The following PTPRD variants were observed in gnomAD, a reference collection of about 807,000 sequenced individuals.
PTPRD encodes receptor-type tyrosine-protein phosphatase delta.
Under a neutral mutation model 214.5 loss-of-function variants are expected in PTPRD, and 34 were observed. The ratio of observed to expected loss-of-function variants is 0.16; its 90% CI spans 0.12 to 0.21. The LOEUF (loss-of-function observed/expected upper bound fraction) is 0.21. Among genes scored for constraint, PTPRD ranks in the 10% least tolerant of loss-of-function variants. PTPRD has a pLI of 1.00. For synonymous variants in PTPRD, 1,128 were observed against 845.7 expected, an observed-to-expected ratio of 1.33 and a Z score of -5.79; for missense variants, 2,545 against 2,398.7, an observed-to-expected ratio of 1.06 and a Z score of -1.27.
At chr9:8,730,095 A>G (rs985969365) in intron 12 of PTPRD, among the ~76,000 whole-genome samples, 1 of 152,126 alleles carries the variant, frequency 6.6e-6, no homozygotes, top group African/African-American at 2.4e-5. Flanking sequence ...TCTCTACTAA[A>G]TATACAGAAA....
intron 11 of PTPRD, among the ~76,000 whole-genome samples, chr9:8,993,949 A>T (rs1437689029): frequency 6.6e-6 from 1 of 152,142 alleles, no homozygotes; most frequent in Non-Finnish European, 1.5e-5. Context: ...AGTGTTCAAG[A>T]CATTTAGAGG....
At chr9:9,459,567 G>C (rs1468047241) in intron 8 of PTPRD, among the ~76,000 whole-genome samples, 1 of 151,936 alleles carries the variant, frequency 6.6e-6, no homozygotes, top group Non-Finnish European at 1.5e-5. Flanking sequence ...CCATTTTCGA[G>C]CTGAGAACGA....
At chr9:9,976,896 A>AATTTG (rs1170603222) in intron 4 of PTPRD, among the ~76,000 whole-genome samples, 1 of 151,880 alleles carries the variant, frequency 6.6e-6, no homozygotes, top group East Asian at 1.9e-4. Context: ...ACTCACAACA[A>AATTTG]ATTTGATTTG....
intron 11 of PTPRD, among the ~76,000 whole-genome samples, chr9:8,942,003 A>G (rs2099036945): frequency 6.6e-6 from 1 of 152,006 alleles, no homozygotes; most frequent in Non-Finnish European, 1.5e-5. Context: ...ATGGGGTTTC[A>G]CCATGTTGGC....
chr9:8,820,365 A>G (rs1358622035), intron 11 of PTPRD, among the ~76,000 whole-genome samples: 1 of 152,150 alleles, frequency 6.6e-6, no homozygotes, highest in East Asian at 1.9e-4. Flanking sequence ...ATTTAATATG[A>G]GGAAGAGAGT....
At chr9:10,298,600 T>C (rs559527268) in intron 3 of PTPRD, among the ~76,000 whole-genome samples, 1 of 152,184 alleles carries the variant, frequency 6.6e-6, no homozygotes, top group East Asian at 1.9e-4. Flanking sequence ...ATAAATAAAA[T>C]GTGAAGATAT....
chr9:8,384,509 C>T (rs928901533), intron 37 of PTPRD, among the ~76,000 whole-genome samples: 1 of 152,076 alleles, frequency 6.6e-6, no homozygotes, highest in Admixed American at 6.6e-5. Flanking sequence ...CCTTCAAAAT[C>T]TCCAGCTTCT....
rs538547233 is a variant in PTPRD at position 9,184,706 on chromosome 9, C to T, written c.-202-1343G>A. On this transcript the variant is annotated intron_variant, in intron 9 of 45. Coordinates refer to ENST00000381196, the MANE Select transcript of PTPRD (RefSeq NM_002839.4). ...CATTAGATTGTAAACTATGGTACCC[C>T]GTGGATACAGCAACTAGTTTTGTCT... Among the ~76,000 whole-genome samples the T allele has an allele frequency of 3.3e-5, 5 of 152,122 alleles. No individual in the cohort carries two copies. The South Asian group carries it at 6.2e-4, about 19-fold the overall frequency.
chr9:9,259,528 C>T (rs545388060), intron 9 of PTPRD, among the ~76,000 whole-genome samples: 4 of 151,860 alleles, frequency 2.6e-5, no homozygotes, highest in Admixed American at 6.6e-5. Context: ...TCAGTCACTC[C>T]GGCCTGAAAT....
intron 12 of PTPRD, among the ~76,000 whole-genome samples, chr9:8,710,180 C>A (rs17653604): frequency 0.11 from 17,007 of 152,096 alleles, 995 homozygotes; most frequent in South Asian, 0.15. Flanking sequence ...AATAGTGGAC[C>A]ATATATGCTC....
intron 8 of PTPRD, among the ~76,000 whole-genome samples, chr9:9,465,630 C>A (rs2146169246): frequency 6.6e-6 from 1 of 152,306 alleles, no homozygotes; most frequent in South Asian, 2.1e-4. Context: ...TGAGAACGAT[C>A]CTCTCTTCCA....
At chr9:9,665,785 T>C (rs1177392123) in intron 7 of PTPRD, among the ~76,000 whole-genome samples, 1 of 151,934 alleles carries the variant, frequency 6.6e-6, no homozygotes, top group African/African-American at 2.4e-5. Flanking sequence ...AACGTAACAC[T>C]CCCTTCACAG....
chr9:9,620,925 A>T (rs943992725), intron 7 of PTPRD, among the ~76,000 whole-genome samples: 11 of 152,044 alleles, frequency 7.2e-5, no homozygotes, highest in Admixed American at 3.3e-4. Context: ...TACTTGGCCA[A>T]CGAGGTAATA....
chr9:9,958,060 C>A (rs574632008), intron 4 of PTPRD, among the ~76,000 whole-genome samples: 19 of 152,188 alleles, frequency 1.2e-4, no homozygotes, highest in African/African-American at 4.6e-4. Context: ...AGAGCTTACA[C>A]CTTTCATAAA....
intron 2 of PTPRD, among the ~76,000 whole-genome samples, chr9:10,345,513 G>C (rs945042208): frequency 7.2e-5 from 11 of 151,840 alleles, no homozygotes; most frequent in Admixed American, 7.2e-4. Flanking sequence ...AGAACATGCG[G>C]TGTTTGGTTT....
At chr9:9,528,872 T>A (rs573589286) in intron 8 of PTPRD, among the ~76,000 whole-genome samples, 1 of 151,808 alleles carries the variant, frequency 6.6e-6, no homozygotes. Flanking sequence ...ATATAAAATT[T>A]ATACAATAAA....
intron 3 of PTPRD, among the ~76,000 whole-genome samples, chr9:10,138,274 A>G (rs2098956740): frequency 6.6e-6 from 1 of 152,084 alleles, no homozygotes; most frequent in South Asian, 2.1e-4. Context: ...ATCCATACAA[A>G]GTAGGAAATC....
At chr9:9,918,297 A>G (rs2081504167) in intron 5 of PTPRD, among the ~76,000 whole-genome samples, 1 of 151,030 alleles carries the variant, frequency 6.6e-6, no homozygotes, top group African/African-American at 2.4e-5. Flanking sequence ...TATCTCATTT[A>G]CAATAGCTAC....
Position 10,230,436 on chromosome 9 carries a change from G to GTATCTATCTATCTATGTATCTATC in PTPRD, c.-545+110526_-545+110527insGATAGATACATAGATAGATAGATA, listed in dbSNP as rs1554901384. On this transcript the variant is annotated intron_variant, in intron 3 of 45. Coordinates refer to ENST00000381196, the MANE Select transcript of PTPRD (RefSeq NM_002839.4). Reference sequence around the variant, plus strand: ...TCTATCTATGTATCTATGTATCTATGTATCTATCTATCTATCTATCTATCT... The same window carrying GTATCTATCTATCTATGTATCTATC: ...TCTATCTATGTATCTATGTATCTATGTATCTATCTATCTATGTATCTATCTATCTATCTATCTATCTATCTATCT... Among the ~76,000 whole-genome samples, 408 of 140,714 alleles carry GTATCTATCTATCTATGTATCTATC rather than the reference G, an allele frequency of 2.9e-3. 1 individual carries two copies. The highest frequency in any genetic ancestry group is 4.2e-3 in the Non-Finnish European group (271 of 64,704). The allele number at this position is 140,714 out of a possible 152,430, so 92.3% of individuals were successfully genotyped here.
Sources: allele counts gnomAD v4.1 joint callset (sites outside exome capture counted in the v4.1 genomes callset), GRCh38; gene constraint gnomAD v4.1.1; transcripts MANE v1.5; gene names NCBI Gene and HGNC (gene_info 2026-07-23, HGNC 2026-07-21).